The following CAST variants were observed in gnomAD, a reference collection of about 807,000 sequenced individuals.
CAST encodes the protein MIR583 host.
In CAST, 76 loss-of-function variants were observed where a neutral mutation model predicts 119.6. The ratio of observed to expected loss-of-function variants is 0.64; its 90% CI spans 0.53 to 0.77. The LOEUF (loss-of-function observed/expected upper bound fraction) is 0.77, where lower values mean the gene tolerates loss of function less well. Among genes scored for constraint, CAST ranks in the 30% least tolerant of loss-of-function variants. The pLI is 0.00. For synonymous variants in CAST, 319 were observed against 331.6 expected (o/e 0.96, Z 0.41); for missense variants, 953 against 946.5 (o/e 1.01, Z -0.09).
the CAST span, among the ~76,000 whole-genome samples, chr5:96,132,878 T>C: frequency 2.6e-5 from 4 of 152,220 alleles, no homozygotes; most frequent in African/African-American, 9.6e-5. Flanking sequence ...CTGGACTTTA[T>C]AGTAAGTTCT....
intron 3 of CAST, among the ~76,000 whole-genome samples, chr5:96,699,388 A>T (rs1351171547): frequency 6.6e-6 from 1 of 152,204 alleles, no homozygotes; most frequent in African/African-American, 2.4e-5. Context: ...CCAAAAAGGA[A>T]TTTCTTAAGG....
At chr5:96,658,769 C>G (rs1430497453), upstream of CAST, among the ~76,000 whole-genome samples, 1 of 152,176 alleles carries the variant, frequency 6.6e-6, no homozygotes, top group African/African-American at 2.4e-5. Context: ...GCTTTATCAT[C>G]CACAGGTAAC....
the CAST span, among the ~76,000 whole-genome samples, chr5:96,127,547 T>C: frequency 6.6e-6 from 1 of 152,106 alleles, no homozygotes; most frequent in African/African-American, 2.4e-5. Flanking sequence ...TTTTCATCTG[T>C]CCTTGATTGA....
intron 3 of CAST, among the ~76,000 whole-genome samples, chr5:96,715,506 ATAAGT>A (rs2150374394): frequency 6.6e-6 from 1 of 152,352 alleles, no homozygotes; most frequent in African/African-American, 2.4e-5. Flanking sequence ...GTAATCTTAG[ATAAGT>A]TATTTAACTT....
At chr5:95,965,986 G>A in the CAST span, among the ~76,000 whole-genome samples, 1 of 152,062 alleles carries the variant, frequency 6.6e-6, no homozygotes, top group Non-Finnish European at 1.5e-5. Context: ...CCCCATCTGA[G>A]TAGTAGGACA....
chr5:96,486,203 G>A, the CAST span, among the ~76,000 whole-genome samples: 1 of 152,126 alleles, frequency 6.6e-6, no homozygotes, highest in African/African-American at 2.4e-5. Context: ...CAAGGTGTGG[G>A]GATGTGCACT....
the CAST span, among the ~76,000 whole-genome samples, chr5:96,282,994 A>G: frequency 1.3e-4 from 20 of 150,702 alleles, no homozygotes; most frequent in Non-Finnish European, 1.3e-4. Context: ...GCCGGGCGTG[A>G]TGGCGGGCGC....
the CAST span, among the ~76,000 whole-genome samples, chr5:96,426,505 G>T: frequency 1.3e-5 from 2 of 152,146 alleles, no homozygotes; most frequent in Admixed American, 1.3e-4. Flanking sequence ...CCTGGGTGAT[G>T]AATGAGCACT....
the CAST span, among the ~76,000 whole-genome samples, chr5:96,044,495 G>A: frequency 6.6e-6 from 1 of 152,152 alleles, no homozygotes; most frequent in Non-Finnish European, 1.5e-5. Context: ...ATAAATTTCT[G>A]TTTATAAACT....
At chr5:96,363,453 C>T in the CAST span, among the ~76,000 whole-genome samples, 2 of 152,104 alleles carry the variant, frequency 1.3e-5, no homozygotes, top group South Asian at 2.1e-4. Context: ...GATATTGATT[C>T]TTCCTACCCA....
rs1056838321 is a variant in CAST, at chr5:96,750,699, G to T, written c.1524+17G>T. On this transcript the variant is annotated intron_variant, in intron 20 of 31. Transcript: ENST00000675179. ...GCTACCTTGGTGAGTGACTCCCTGG[G>T]CATTTGAGCAGTGGCTTGAGAAAGT... The T allele has an allele frequency of 1.3e-6, 2 of 1,547,676 alleles. No homozygotes were observed. Among genetic ancestry groups the T allele is most frequent in the African/African-American group, 2.7e-5 (2 of 73,560 alleles).
chr5:96,405,191 T>C, the CAST span, among the ~76,000 whole-genome samples: 1 of 152,194 alleles, frequency 6.6e-6, no homozygotes. Context: ...AGATCAGTCA[T>C]ACTTATCTTA....
rs922713487 is a variant in CAST, at chr5:96,703,623, A to G, written c.210+7716A>G. The stretch of plus-strand genomic sequence containing the variant: ...AGGCAGGGGGAAGTTCTTTATTCCC[A>G]TTGTACAGCTTCAGAAAATGAGGCA... On this transcript the variant is annotated intron_variant, in intron 3 of 31. Transcript: ENST00000675179. 5.3e-5 allele frequency among the ~76,000 whole-genome samples: 8 copies of G among 152,316 alleles called. No homozygotes were observed. In the East Asian group the frequency reaches 1.5e-3, roughly 29 times the overall value.
the CAST span, among the ~76,000 whole-genome samples, chr5:96,513,420 AG>A: frequency 6.6e-6 from 1 of 152,352 alleles, no homozygotes; most frequent in African/African-American, 2.4e-5. Context: ...AAAAGAGTGC[AG>A]GGGTGATACC....
At chr5:96,532,402 C>T (rs560218323) in intron 1 of CAST, among the ~76,000 whole-genome samples, 1 of 152,162 alleles carries the variant, frequency 6.6e-6, no homozygotes, top group East Asian at 1.9e-4. Context: ...GTAAAGGAAA[C>T]AACTTACAAA....
chr5:96,091,758 C>A, the CAST span, among the ~76,000 whole-genome samples: 1 of 152,266 alleles, frequency 6.6e-6, no homozygotes, highest in Non-Finnish European at 1.5e-5. Context: ...CCTGCCTCAG[C>A]CTCCCAAAGT....
the CAST span, among the ~76,000 whole-genome samples, chr5:96,502,004 G>T: frequency 6.6e-6 from 1 of 152,156 alleles, no homozygotes; most frequent in Non-Finnish European, 1.5e-5. Flanking sequence ...ACATTTCCCA[G>T]AGCATGTCTC....
the CAST span, among the ~76,000 whole-genome samples, chr5:96,086,894 A>G: frequency 2.0e-5 from 3 of 152,242 alleles, no homozygotes; most frequent in South Asian, 2.1e-4. Flanking sequence ...AATGAAATAT[A>G]TATCTGTGAG....
the CAST span, among the ~76,000 whole-genome samples, chr5:96,300,713 C>T: frequency 6.6e-6 from 1 of 151,112 alleles, no homozygotes; most frequent in African/African-American, 2.4e-5. Flanking sequence ...AATATTAATT[C>T]TTTCTATCCA....
Sources: gnomAD v4.1 joint callset for allele counts (sites outside exome capture counted in the v4.1 genomes callset) on GRCh38, gnomAD v4.1.1 for gene constraint, MANE v1.5 for transcripts, NCBI Gene and HGNC (gene_info 2026-07-23, HGNC 2026-07-21) for gene names.